DOCK5: variants seen among roughly 807,000 people sequenced by gnomAD.
DOCK5 encodes dedicator of cytokinesis protein 5.
Under a neutral mutation model 251.8 loss-of-function variants are expected in DOCK5, and 142 were observed. The ratio of observed to expected loss-of-function variants is 0.56; its 90% CI spans 0.49 to 0.65. DOCK5 has a LOEUF of 0.65. Among genes scored for constraint, DOCK5 ranks in the 30% least tolerant of loss-of-function variants. DOCK5 has a pLI of 0.00. For synonymous variants in DOCK5, 842 were observed against 835.5 expected, an observed-to-expected ratio of 1.01 and a Z score of -0.13; for missense variants, 2,111 against 2,312.3, an observed-to-expected ratio of 0.91 and a Z score of 1.79.
Position 25,366,951 on chromosome 8 carries a change from C to A in DOCK5, c.3205C>A (p.Arg1069Ser). The A allele has an allele frequency of 6.2e-7, 1 of 1,613,654 alleles. No homozygotes were observed. The highest frequency in any genetic ancestry group is 8.5e-7 in the Non-Finnish European group (1 of 1,179,700). ...LQLETFSQAK[R>S]NKIVKKYGDM... ...GCTTGAAACCTTCTCACAAGCCAAG[C>A]GCAACAAAATTGTTAAAAAGTAAGT... Residue 1069 changes from arginine to serine, a missense_variant, in exon 31 of 52, where the codon CGC becomes AGC. By Grantham distance (110) the Arg-to-Ser change is moderately radical. This residue lies in a region of DOCK5 where 1,717 missense variants were observed against 1,892.4 expected (regional missense o/e 0.91). Transcript: ENST00000276440.
intron 13 of DOCK5, among the ~76,000 whole-genome samples, chr8:25,315,757 A>AAC (rs755064482): frequency 6.6e-6 from 1 of 152,204 alleles, no homozygotes; most frequent in Non-Finnish European, 1.5e-5. Flanking sequence ...TCCATTGACA[A>AAC]AGAGTGTGTC....
intron 39 of DOCK5, among the ~76,000 whole-genome samples, chr8:25,381,990 CCTT>C (rs1484062757): frequency 6.6e-6 from 1 of 152,146 alleles, no homozygotes; most frequent in African/African-American, 2.4e-5. Context: ...ACTACACAGT[CCTT>C]CTTTTTAAAA....
At chr8:25,208,427 G>A (rs1802053221) in intron 1 of DOCK5, among the ~76,000 whole-genome samples, 1 of 152,126 alleles carries the variant, frequency 6.6e-6, no homozygotes, top group African/African-American at 2.4e-5. Flanking sequence ...CAATTGATCT[G>A]GCAAACTTAA....
chr8:25,288,806 C>G (rs1482409753), intron 5 of DOCK5, among the ~76,000 whole-genome samples: 1 of 152,042 alleles, frequency 6.6e-6, no homozygotes, highest in East Asian at 1.9e-4. Context: ...AGGAAAAAAG[C>G]AGGGTTTTTA....
At chr8:25,247,600 G>GA (rs908695577) in intron 2 of DOCK5, among the ~76,000 whole-genome samples, 7 of 145,638 alleles carry the variant, frequency 4.8e-5, no homozygotes, top group East Asian at 2.0e-4. Context: ...GTCTCAAAAA[G>GA]AAAAAAAAAA....
intron 1 of DOCK5, among the ~76,000 whole-genome samples, chr8:25,200,750 C>A (rs1180197687): frequency 2.0e-5 from 3 of 152,288 alleles, no homozygotes; most frequent in Non-Finnish European, 4.4e-5. Flanking sequence ...TCAACAAAAA[C>A]CAAATCCAAT....
chr8:25,264,825 A>G (rs1285894941), intron 2 of DOCK5, among the ~76,000 whole-genome samples: 6 of 145,136 alleles, frequency 4.1e-5, no homozygotes, highest in African/African-American at 1.4e-4. Context: ...GGACTGTCTC[A>G]AAAAACAAAA....
intron 40 of DOCK5, among the ~76,000 whole-genome samples, chr8:25,383,753 G>T (rs377455635): frequency 6.6e-6 from 1 of 152,232 alleles, no homozygotes; most frequent in African/African-American, 2.4e-5. Context: ...TACTCAGGAG[G>T]CTGAGGCAGG....
At chr8:25,251,922 G>C (rs1803281961) in intron 2 of DOCK5, among the ~76,000 whole-genome samples, 1 of 151,166 alleles carries the variant, frequency 6.6e-6, no homozygotes, top group African/African-American at 2.4e-5. Flanking sequence ...CCGGGAGGCA[G>C]AGGTTGCAGT....
chr8:25,202,771 A>G (rs1801909519), intron 1 of DOCK5, among the ~76,000 whole-genome samples: 1 of 152,208 alleles, frequency 6.6e-6, no homozygotes, highest in Admixed American at 6.5e-5. Flanking sequence ...TAATAATAAA[A>G]AAGAACAATC....
chr8:25,324,313 C>G (rs1371759645), intron 17 of DOCK5, among the ~76,000 whole-genome samples: 3 of 152,176 alleles, frequency 2.0e-5, no homozygotes, highest in African/African-American at 7.2e-5. Context: ...TGTTGGGCTT[C>G]AGTAGTGTGT....
intron 25 of DOCK5, among the ~76,000 whole-genome samples, 184 bp downstream of exon 25, chr8:25,342,691 GTT>G (rs1201632677): frequency 1.4e-4 from 10 of 72,064 alleles, no homozygotes; most frequent in Non-Finnish European, 2.4e-4. Flanking sequence ...GTTTTTTCTT[GTT>G]TTTTTTTTTT....
intron 5 of DOCK5, among the ~76,000 whole-genome samples, chr8:25,287,536 T>C (rs530069435): frequency 9.2e-5 from 14 of 152,334 alleles, no homozygotes; most frequent in African/African-American, 3.4e-4. Flanking sequence ...GGAATATCTT[T>C]GCTATCTTGA....
intron 48 of DOCK5, among the ~76,000 whole-genome samples, chr8:25,405,982 G>A (rs1476873961): frequency 6.6e-6 from 1 of 151,988 alleles, no homozygotes; most frequent in African/African-American, 2.4e-5. Flanking sequence ...TCTTTGAGAT[G>A]GAGTCTGGCT....
intron 7 of DOCK5, among the ~76,000 whole-genome samples, chr8:25,298,233 T>G (rs1804668554): frequency 6.6e-6 from 1 of 152,168 alleles, no homozygotes; most frequent in Non-Finnish European, 1.5e-5. Flanking sequence ...ATGATAATAT[T>G]TGTGTTCTGA....
At chr8:25,225,481 C>T (rs531715921) in intron 1 of DOCK5, among the ~76,000 whole-genome samples, 3 of 152,188 alleles carry the variant, frequency 2.0e-5, no homozygotes, top group South Asian at 2.1e-4. Context: ...CCAAGGCAGG[C>T]GGATCACTAG....
At chr8:25,352,476 A>C (rs542714182) in intron 27 of DOCK5, among the ~76,000 whole-genome samples, 1 of 152,144 alleles carries the variant, frequency 6.6e-6, no homozygotes, top group Non-Finnish European at 1.5e-5. Context: ...GCCGGGTAAC[A>C]ACTATGATAG....
intron 1 of DOCK5, among the ~76,000 whole-genome samples, chr8:25,240,855 C>G (rs1366653296): frequency 6.6e-6 from 1 of 152,102 alleles, no homozygotes; most frequent in Admixed American, 6.6e-5. Flanking sequence ...GTTAGGAAGT[C>G]AAGGTGCAAA....
At chr8:25,384,633 G>A (rs1406451734) in intron 40 of DOCK5, among the ~76,000 whole-genome samples, 1 of 151,392 alleles carries the variant, frequency 6.6e-6, no homozygotes, top group Non-Finnish European at 1.5e-5. Flanking sequence ...CTAATTTTTT[G>A]TATTTTAGTA....
Sources: gnomAD v4.1 joint callset for allele counts (sites outside exome capture counted in the v4.1 genomes callset) on GRCh38, gnomAD v4.1.1 for gene constraint, gnomAD v4.1.1 regional missense constraint, MANE v1.5 for transcripts, NCBI Gene and HGNC (gene_info 2026-07-23, HGNC 2026-07-21) for gene names.